RMST: variants seen among roughly 807,000 people sequenced by gnomAD.
RMST encodes the protein rhabdomyosarcoma 2 associated transcript, also known as long intergenic non-protein coding RNA 54.
chr12:97,511,807 C>T (rs1879330664), intron 10 of RMST, among the ~76,000 whole-genome samples: 1 of 152,136 alleles, frequency 6.6e-6, no homozygotes, highest in South Asian at 2.1e-4. Flanking sequence ...ATGACTGAGT[C>T]CATTAAGTCT....
Position 97,524,075 on chromosome 12 carries a change from C to CAAAAAAAAAAAAAAAAA in RMST, n.1341-6568_1341-6552dup, listed in dbSNP as rs537840796. Among the ~76,000 whole-genome samples, 55 of 56,112 alleles carry CAAAAAAAAAAAAAAAAA rather than the reference C, an allele frequency of 9.8e-4. 4 individuals are homozygous for CAAAAAAAAAAAAAAAAA. The highest frequency in any genetic ancestry group is 4.0e-3 in the African/African-American group (52 of 12,958). The allele number at this position is 56,112 out of a possible 152,430, so 36.8% of individuals were successfully genotyped here. ...TGGGCAACAGAGTGAGACTCTGTCTCAAAAAAAAAAAAAAAAAAAAAAAAA... is the reference window on the plus strand; with the variant it reads ...TGGGCAACAGAGTGAGACTCTGTCTCAAAAAAAAAAAAAAAAAAAAAAAAAAAAAAAAAAAAAAAAAA... On this transcript the variant is annotated intron_variant and non_coding_transcript_variant, in intron 10 of 13. Transcript: ENST00000640149.
intron 11 of RMST, chr12:97,541,216 A>T (rs1475293224): frequency 1.3e-5 from 2 of 151,704 alleles, no homozygotes; most frequent in Non-Finnish European, 3.0e-5. Context: ...CAGCAAGACA[A>T]GACAAGTAAT....
intron 10 of RMST, among the ~76,000 whole-genome samples, chr12:97,509,613 TC>T (rs540692267): frequency 4.9e-4 from 74 of 152,150 alleles, no homozygotes; most frequent in African/African-American, 1.7e-3. Context: ...TCTCTCTCCC[TC>T]CCCTGACCCT....
intron 10 of RMST, among the ~76,000 whole-genome samples, chr12:97,509,101 G>A (rs1879007455): frequency 6.6e-6 from 1 of 152,132 alleles, no homozygotes. Flanking sequence ...ATTTTAACCA[G>A]GAGACCGTTG....
At chr12:97,511,199 A>G (rs1015802589) in intron 10 of RMST, among the ~76,000 whole-genome samples, 1 of 147,670 alleles carries the variant, frequency 6.8e-6, no homozygotes, top group African/African-American at 2.5e-5. Context: ...CCCAGGCTGG[A>G]GTGCACTGGC....
chr12:97,472,091 T>C (rs1450248537), intron 5 of RMST, among the ~76,000 whole-genome samples: 1 of 152,148 alleles, frequency 6.6e-6, no homozygotes, highest in Non-Finnish European at 1.5e-5. Context: ...TGAAAGGCTG[T>C]AAGTGACGCA....
At chr12:97,518,944 A>T (rs1880226455) in intron 10 of RMST, among the ~76,000 whole-genome samples, 1 of 152,074 alleles carries the variant, frequency 6.6e-6, no homozygotes, top group South Asian at 2.1e-4. Context: ...TAATTAAAAA[A>T]AAAAAAATGT....
At chr12:97,497,585 C>A (rs528012323) in intron 10 of RMST, among the ~76,000 whole-genome samples, 1 of 152,210 alleles carries the variant, frequency 6.6e-6, no homozygotes, top group African/African-American at 2.4e-5. Flanking sequence ...TAACATGAGG[C>A]CTTACGTTTG....
chr12:97,536,698 G>A (rs1046890069), intron 11 of RMST, among the ~76,000 whole-genome samples: 2 of 151,378 alleles, frequency 1.3e-5, no homozygotes, highest in Non-Finnish European at 3.0e-5. Context: ...ATAAACCTAA[G>A]CTTCAAAGTC....
chr12:97,532,099 A>G (rs899911267), intron 11 of RMST, among the ~76,000 whole-genome samples: 5 of 152,014 alleles, frequency 3.3e-5, no homozygotes, highest in Admixed American at 2.0e-4. Flanking sequence ...TTGACTTAAC[A>G]GATTTCTAGT....
chr12:97,544,609 T>C (rs965463635), intron 11 of RMST, among the ~76,000 whole-genome samples: 1 of 152,112 alleles, frequency 6.6e-6, no homozygotes, highest in Non-Finnish European at 1.5e-5. Context: ...TTCGCTAGAA[T>C]TGTAAATTAT....
chr12:97,559,016 C>G (rs750788850), intron 11 of RMST, among the ~76,000 whole-genome samples: 8 of 151,996 alleles, frequency 5.3e-5, no homozygotes, highest in African/African-American at 9.7e-5. Flanking sequence ...ATAAATATCC[C>G]CTTTAAAAAA....
At chr12:97,541,181 A>G (rs1184842698) in intron 11 of RMST, 2 of 151,698 alleles carry the variant, frequency 1.3e-5, no homozygotes, top group East Asian at 3.9e-4. Context: ...AACTCTATAC[A>G]CATTACCATA....
At chr12:97,564,559 A>T (rs1359010460) in exon 14 of RMST, 2 of 152,272 alleles carry the variant, frequency 1.3e-5, no homozygotes, top group Non-Finnish European at 2.9e-5. Flanking sequence ...AAGAGAAGTA[A>T]TACCTACCTT....
chr12:97,470,205 A>G (rs1873735827), intron 5 of RMST, among the ~76,000 whole-genome samples: 1 of 152,126 alleles, frequency 6.6e-6, no homozygotes, highest in African/African-American at 2.4e-5. Flanking sequence ...GACAGTTGCA[A>G]CAACTAAGAT....
Position 97,500,637 on chromosome 12 carries a change from G to C in RMST, n.1340+4581G>C, listed in dbSNP as rs115725559. Among the ~76,000 whole-genome samples, 726 of 152,242 alleles carry C rather than the reference G, an allele frequency of 4.8e-3. 7 individuals carry two copies. The highest frequency in any genetic ancestry group is 0.016 in the African/African-American group (685 of 41,554). ...CTGACACCAAAGCCAATATTAACTGGATTTTCCCCTAGGATCCTGGGATGC... is the reference window on the plus strand; with the variant it reads ...CTGACACCAAAGCCAATATTAACTGCATTTTCCCCTAGGATCCTGGGATGC... On this transcript the variant is annotated intron_variant and non_coding_transcript_variant, in intron 10 of 13. Transcript: ENST00000640149.
intron 11 of RMST, among the ~76,000 whole-genome samples, chr12:97,539,761 G>T (rs1366961173): frequency 2.6e-5 from 4 of 151,576 alleles, no homozygotes; most frequent in Non-Finnish European, 5.9e-5. Context: ...CGGAACCAGG[G>T]TTATGAAATT....
intron 5 of RMST, among the ~76,000 whole-genome samples, chr12:97,466,312 G>A (rs985846670): frequency 1.4e-4 from 22 of 152,088 alleles, no homozygotes; most frequent in African/African-American, 5.3e-4. Context: ...TGATATGTTA[G>A]TGCTTTATTA....
At chr12:97,533,272 T>C (rs893435313) in intron 11 of RMST, 5 of 151,710 alleles carry the variant, frequency 3.3e-5, no homozygotes, top group African/African-American at 1.2e-4. Context: ...CCTGAAGGGG[T>C]TAGGAATAAA....
Sources: gnomAD v4.1 joint callset for allele counts (sites outside exome capture counted in the v4.1 genomes callset) on GRCh38, gnomAD v4.1.1 for gene constraint, MANE v1.5 for transcripts, NCBI Gene and HGNC (gene_info 2026-07-23, HGNC 2026-07-21) for gene names.